The following ATXN1 variants were observed in gnomAD, a reference collection of about 807,000 sequenced individuals.
The protein encoded by ATXN1 is ataxin 1.
ATXN1 carries 8 observed loss-of-function variants against 56.4 expected under a neutral mutation model. The ratio of observed to expected loss-of-function variants is 0.14; its 90% CI spans 0.08 to 0.26. The LOEUF is 0.26. ATXN1 is among the 10% of genes least tolerant of loss of function. The pLI is 1.00. For missense variants in ATXN1, 987 were observed against 1,106.5 expected, an observed-to-expected ratio of 0.89 and a Z score of 1.53; for synonymous variants, 514 against 494.6, an observed-to-expected ratio of 1.04 and a Z score of -0.52.
chr6:16,510,628 T>C (rs530904894), intron 5 of ATXN1, among the ~76,000 whole-genome samples: 12 of 152,184 alleles, frequency 7.9e-5, no homozygotes, highest in African/African-American at 2.2e-4. Context: ...CCCAAGCTAC[T>C]TGGGAGGCTA....
chr6:16,583,150 A>G (rs2113762320), intron 4 of ATXN1, among the ~76,000 whole-genome samples: 1 of 152,348 alleles, frequency 6.6e-6, no homozygotes. Context: ...TTCTTAAGCT[A>G]ACATGTCTTA....
intron 2 of ATXN1, among the ~76,000 whole-genome samples, chr6:16,713,375 C>G (rs1759567284): frequency 6.6e-6 from 1 of 152,118 alleles, no homozygotes; most frequent in South Asian, 2.1e-4. Flanking sequence ...AGAACAAAGC[C>G]AAAGGACGCC....
chr6:16,384,652 C>T lies in ATXN1; in HGVS notation c.-160-56182G>A, dbSNP rs187273277. On this transcript the variant is annotated intron_variant, in intron 6 of 7. Transcript: ENST00000436367. ...ATCACGGGCTTAGATTTCTCCCTCT[C>T]TGTTCTCATGATAGTGAGTTCTCAT... 4.6e-5 allele frequency among the ~76,000 whole-genome samples: 7 copies of T among 152,324 alleles called. No individual in the cohort carries two copies. In the East Asian group the frequency reaches 1.4e-3, roughly 29 times the overall value.
chr6:16,499,507 G>C (rs902002458), intron 5 of ATXN1, among the ~76,000 whole-genome samples: 3 of 152,106 alleles, frequency 2.0e-5, no homozygotes, highest in African/African-American at 7.2e-5. Flanking sequence ...TCTTGAGGTG[G>C]TGCTTTTGCA....
At chr6:16,704,337 C>A (rs898222275) in intron 2 of ATXN1, among the ~76,000 whole-genome samples, 1 of 152,114 alleles carries the variant, frequency 6.6e-6, no homozygotes, top group Non-Finnish European at 1.5e-5. Flanking sequence ...CCCTTTCCCC[C>A]CAAGATTGAC....
At chr6:16,416,370 A>G (rs1758908399) in intron 6 of ATXN1, among the ~76,000 whole-genome samples, 1 of 152,240 alleles carries the variant, frequency 6.6e-6, no homozygotes, top group Non-Finnish European at 1.5e-5. Flanking sequence ...TTAATACTGC[A>G]TCACACATCT....
intron 2 of ATXN1, among the ~76,000 whole-genome samples, chr6:16,735,509 A>T (rs1269184715): frequency 6.6e-6 from 1 of 152,252 alleles, no homozygotes; most frequent in African/African-American, 2.4e-5. Flanking sequence ...ATGGTTTATA[A>T]GAAAAGTGTG....
At chr6:16,689,521 C>CTTTTTTTTTTTTTTTTTTTTTTTTTT (rs11374047) in intron 2 of ATXN1, among the ~76,000 whole-genome samples, 9 of 105,206 alleles carry the variant, frequency 8.6e-5, no homozygotes, top group Non-Finnish European at 1.1e-4. Context: ...TTTTTTTTTT[C>CTTTTTTTTTTTTTTTTTTTTTTTTTT]TTTTTTTTTT....
In ATXN1 at chr6:16,617,773, A is replaced by AAAAAAAG. The variant is rs533047443; in HGVS notation, c.-488-31867_-488-31866insCTTTTTT. ...TAGAGAGAAACTCTGTCTCAAAAAAAAAAAAAAAAGAAATATACTCATGTT... is the reference window on the plus strand; with the variant it reads ...TAGAGAGAAACTCTGTCTCAAAAAAAAAAAAAGAAAAAAAAAGAAATATACTCATGTT... On this transcript the variant is annotated intron_variant, in intron 3 of 7. Transcript: ENST00000436367. Among the ~76,000 whole-genome samples, 28 of 146,726 alleles carry AAAAAAAG rather than the reference A, an allele frequency of 1.9e-4. 2 individuals carry two copies. Among genetic ancestry groups the AAAAAAAG allele is most frequent in the African/African-American group, 2.8e-4 (11 of 39,132 alleles).
At chr6:16,397,096 T>C (rs76112039) in intron 6 of ATXN1, among the ~76,000 whole-genome samples, 1,542 of 152,324 alleles carry the variant, frequency 0.01, 29 homozygotes, top group African/African-American at 0.035. Context: ...CTGTCCTATA[T>C]GGTGGTGTGC....
intron 6 of ATXN1, among the ~76,000 whole-genome samples, chr6:16,484,409 G>C (rs147600346): frequency 6.6e-6 from 1 of 152,286 alleles, no homozygotes; most frequent in African/African-American, 2.4e-5. Flanking sequence ...ACTCCAGCCT[G>C]GGTGACAGAG....
chr6:16,470,814 T>G (rs1292033253), intron 6 of ATXN1, among the ~76,000 whole-genome samples: 3 of 152,172 alleles, frequency 2.0e-5, no homozygotes, highest in Non-Finnish European at 4.4e-5. Flanking sequence ...GGCAACATAG[T>G]GAGACTTCAT....
At chr6:16,331,944 T>A (rs1761002417) in intron 6 of ATXN1, among the ~76,000 whole-genome samples, 2 of 152,244 alleles carry the variant, frequency 1.3e-5, no homozygotes, top group Admixed American at 1.3e-4. Flanking sequence ...TGGACTGGTC[T>A]TCTGCGAAAT....
At chr6:16,385,498 C>T (rs1758221351) in intron 6 of ATXN1, among the ~76,000 whole-genome samples, 1 of 152,182 alleles carries the variant, frequency 6.6e-6, no homozygotes, top group Non-Finnish European at 1.5e-5. Context: ...AATGGCTGGG[C>T]AGGGGCACAT....
chr6:16,570,673 G>A (rs1249892914), intron 4 of ATXN1, among the ~76,000 whole-genome samples: 2 of 152,180 alleles, frequency 1.3e-5, no homozygotes, highest in Non-Finnish European at 1.5e-5. Context: ...AGAAGAGACT[G>A]AAGAAAGACA....
intron 3 of ATXN1, among the ~76,000 whole-genome samples, chr6:16,622,312 G>A (rs1162932451): frequency 1.3e-5 from 2 of 152,174 alleles, no homozygotes; most frequent in Non-Finnish European, 2.9e-5. Context: ...AAGGAGCTTA[G>A]CTCAGGGCTC....
intron 2 of ATXN1, among the ~76,000 whole-genome samples, chr6:16,694,889 C>T (rs1759128312): frequency 6.6e-6 from 1 of 152,188 alleles, no homozygotes; most frequent in African/African-American, 2.4e-5. Context: ...GGTTAACTTC[C>T]CTCCTGTTCT....
Position 16,383,812 on chromosome 6 carries a change from A to T in ATXN1, c.-160-55342T>A, listed in dbSNP as rs1429708752. 2.6e-5 allele frequency among the ~76,000 whole-genome samples: 4 copies of T among 152,214 alleles called. 1 individual carries two copies. Among genetic ancestry groups the T allele is most frequent in the Admixed American group, 1.3e-4 (2 of 15,282 alleles). Reference sequence around the variant, plus strand: ...GAGTGAACACACAAAGAAATGATTAACCTGTCATAGAAAAGGTCATGAATG... The same window carrying T: ...GAGTGAACACACAAAGAAATGATTATCCTGTCATAGAAAAGGTCATGAATG... On this transcript the variant is annotated intron_variant, in intron 6 of 7. Coordinates refer to ENST00000436367, the MANE Select transcript of ATXN1 (RefSeq NM_001128164.2).
intron 2 of ATXN1, among the ~76,000 whole-genome samples, chr6:16,683,557 T>C (rs1392475258): frequency 1.3e-5 from 2 of 152,226 alleles, no homozygotes; most frequent in Non-Finnish European, 2.9e-5. Context: ...TGTCTTCCCC[T>C]ATTCTGGAGA....
Sources: gnomAD v4.1 joint callset for allele counts (sites outside exome capture counted in the v4.1 genomes callset) on GRCh38, gnomAD v4.1.1 for gene constraint, MANE v1.5 for transcripts, NCBI Gene and HGNC (gene_info 2026-07-23, HGNC 2026-07-21) for gene names.